CWC27: variants seen among roughly 807,000 people sequenced by gnomAD.
The protein encoded by CWC27 is CWC27 spliceosome associated cyclophilin, also known as spliceosome-associated protein CWC27 homolog.
Under a neutral mutation model 63.6 loss-of-function variants are expected in CWC27, and 47 were observed. That is an observed-to-expected ratio of 0.74 (90% CI 0.58 to 0.94). CWC27 has a LOEUF of 0.94. Ranked by LOEUF, CWC27 falls within the 40% of genes least tolerant of loss-of-function variation. The probability of loss-of-function intolerance (pLI) is 0.00; values close to 1 mark genes in which losing one functional copy is unlikely to be tolerated. For synonymous variants in CWC27, 175 were observed against 179.8 expected (o/e 0.97, Z 0.22); for missense variants, 495 against 554.3 (o/e 0.89, Z 1.07).
chr5:64,796,002 C>T lies in CWC27; in HGVS notation c.670-4246C>T, dbSNP rs940992943. 9.0e-4 allele frequency among the ~76,000 whole-genome samples: 122 copies of T among 135,828 alleles called. 2 individuals are homozygous for T. The highest frequency in any genetic ancestry group is 2.7e-3 in the African/African-American group (100 of 37,646). 89.1% of individuals were successfully genotyped at this position (135,828 alleles called of 152,430 possible). A position where few individuals can be genotyped will look rare whatever the true frequency, so the allele number is the denominator to read the frequency against. On this transcript the variant is annotated intron_variant, in intron 7 of 13. Transcript: ENST00000381070. ...AGAAGCCATTTAAAAAGAAATTGTG[C>T]GTGTGTGTGTGTGTGTGTGTGTGTG...
rs950769430 is a variant in CWC27 at position 64,848,454 on chromosome 5, C to T, written c.939-36989C>T. Among the ~76,000 whole-genome samples, 4 of 131,380 alleles carry T rather than the reference C, an allele frequency of 3.0e-5. No individual in the cohort carries two copies. The East Asian group carries it at 1.1e-3, about 35-fold the overall frequency. 86.2% of individuals were successfully genotyped at this position (131,380 alleles called of 152,430 possible). A position where few individuals can be genotyped will look rare whatever the true frequency, so the allele number is the denominator to read the frequency against. On this transcript the variant is annotated intron_variant, in intron 10 of 13. Transcript: ENST00000381070. ...TCCTTCTCAAACTCTTCCAGAAAAC[C>T]AAAGAGGAGGGAATACTTTCAAACC...
chr5:64,807,552 C>A, intron 10 of CWC27: 1 of 1,484,060 alleles, frequency 6.7e-7, no homozygotes, highest in Non-Finnish European at 8.9e-7. Context: ...TTTCTAATCC[C>A]TTGTCTCTTC....
chr5:64,805,112 A>G (rs1744616906), intron 10 of CWC27, among the ~76,000 whole-genome samples: 2 of 152,040 alleles, frequency 1.3e-5, no homozygotes, highest in Admixed American at 1.3e-4. Context: ...CATTTAAATA[A>G]CATTCTTTTT....
At chr5:64,862,870 G>A (rs560760982) in intron 10 of CWC27, among the ~76,000 whole-genome samples, 1 of 152,212 alleles carries the variant, frequency 6.6e-6, no homozygotes, top group East Asian at 1.9e-4. Flanking sequence ...CCTATTTCCT[G>A]GTTCATAGAT....
chr5:64,869,801 T>G (rs977189167), intron 10 of CWC27, among the ~76,000 whole-genome samples: 9 of 152,018 alleles, frequency 5.9e-5, no homozygotes, highest in Admixed American at 4.6e-4. Context: ...TTATACCATA[T>G]TATGTGTTTT....
intron 1 of CWC27, among the ~76,000 whole-genome samples, chr5:64,772,695 T>C (rs1442971943): frequency 6.9e-6 from 1 of 145,582 alleles, no homozygotes; most frequent in South Asian, 2.2e-4. Flanking sequence ...CCCAGCACTT[T>C]GGGAGGCTGA....
At chr5:64,926,409 C>T (rs1748108588) in intron 11 of CWC27, among the ~76,000 whole-genome samples, 1 of 151,254 alleles carries the variant, frequency 6.6e-6, no homozygotes, top group Admixed American at 6.6e-5. Flanking sequence ...TCAGTCATAT[C>T]AGTAAGACCT....
At chr5:64,772,077 T>C (rs1308164934) in intron 1 of CWC27, among the ~76,000 whole-genome samples, 5 of 152,192 alleles carry the variant, frequency 3.3e-5, no homozygotes, top group Admixed American at 6.5e-5. Flanking sequence ...GGAAATTAAG[T>C]GACAGAGATG....
chr5:64,917,457 T>C lies in CWC27; in HGVS notation c.1042+31911T>C, dbSNP rs140682601. Among the ~76,000 whole-genome samples, 6 of 152,296 alleles carry C rather than the reference T, an allele frequency of 3.9e-5. No homozygotes were observed. The East Asian group carries it at 1.2e-3, about 29-fold the overall frequency. ...AACAGAGGCCCTTTTGTCTGATGTG[T>C]TGGTTAATTCTATATGTCAGCTTCA... On this transcript the variant is annotated intron_variant, in intron 11 of 13. Coordinates refer to ENST00000381070, the MANE Select transcript of CWC27 (RefSeq NM_005869.4).
intron 10 of CWC27, among the ~76,000 whole-genome samples, chr5:64,877,090 A>G (rs1363606659): frequency 6.6e-6 from 1 of 152,036 alleles, no homozygotes; most frequent in African/African-American, 2.4e-5. Flanking sequence ...GGAAATTGTT[A>G]TATCAAAGGG....
chr5:64,920,434 T>C (rs954828311), intron 11 of CWC27, among the ~76,000 whole-genome samples: 2 of 152,230 alleles, frequency 1.3e-5, no homozygotes, highest in African/African-American at 4.8e-5. Flanking sequence ...TGAAGTTTTC[T>C]CTTTTCATTG....
At chr5:64,984,845 A>G (rs1056293535) in intron 13 of CWC27, among the ~76,000 whole-genome samples, 1 of 152,152 alleles carries the variant, frequency 6.6e-6, no homozygotes, top group African/African-American at 2.4e-5. Flanking sequence ...TTTTAGTGTT[A>G]TGTCTAAGAA....
At chr5:64,829,307 A>G (rs1745450376) in intron 10 of CWC27, among the ~76,000 whole-genome samples, 1 of 152,152 alleles carries the variant, frequency 6.6e-6, no homozygotes, top group Non-Finnish European at 1.5e-5. Flanking sequence ...CAACTTATGA[A>G]TGGATCATGT....
At chr5:64,929,284 C>T (rs1348880556) in intron 11 of CWC27, among the ~76,000 whole-genome samples, 1 of 152,088 alleles carries the variant, frequency 6.6e-6, no homozygotes, top group Non-Finnish European at 1.5e-5. Flanking sequence ...TTTCTAACAC[C>T]ATTTCCCTCT....
intron 11 of CWC27, among the ~76,000 whole-genome samples, chr5:64,900,563 A>C (rs1225164685): frequency 2.0e-5 from 3 of 152,132 alleles, no homozygotes; most frequent in Non-Finnish European, 4.4e-5. Flanking sequence ...AAATTTTGGG[A>C]AAGTCTAACT....
At chr5:64,888,162 T>C (rs147430716) in intron 11 of CWC27, among the ~76,000 whole-genome samples, 1 of 151,726 alleles carries the variant, frequency 6.6e-6, no homozygotes, top group Non-Finnish European at 1.5e-5. Context: ...AGTAAGAAAG[T>C]GCTCAAAGGA....
At chr5:64,894,348 T>C (rs1038142379) in intron 11 of CWC27, among the ~76,000 whole-genome samples, 52 of 152,186 alleles carry the variant, frequency 3.4e-4, no homozygotes, top group Non-Finnish European at 8.8e-5. Flanking sequence ...GTGCCCTTTA[T>C]ACTACTTGTT....
At chr5:64,778,662 T>G (rs971259743) in intron 2 of CWC27, among the ~76,000 whole-genome samples, 9 of 152,182 alleles carry the variant, frequency 5.9e-5, no homozygotes, top group African/African-American at 2.2e-4. Flanking sequence ...AAATGGAGTT[T>G]AAGACTGTAT....
chr5:64,929,935 G>A (rs1336762769), intron 11 of CWC27, among the ~76,000 whole-genome samples: 1 of 151,248 alleles, frequency 6.6e-6, no homozygotes, highest in Non-Finnish European at 1.5e-5. Context: ...ATTCACAGCA[G>A]CATTATTCAC....
Sources: allele counts gnomAD v4.1 joint callset (sites outside exome capture counted in the v4.1 genomes callset), GRCh38; gene constraint gnomAD v4.1.1; transcripts MANE v1.5; gene names NCBI Gene and HGNC (gene_info 2026-07-23, HGNC 2026-07-21).